The following PDZD2 variants were observed in gnomAD, a reference collection of about 807,000 sequenced individuals.
The protein encoded by PDZD2 is PDZ domain-containing protein 2.
Under a neutral mutation model 220.7 loss-of-function variants are expected in PDZD2, and 90 were observed. The ratio of observed to expected loss-of-function variants is 0.41; its 90% CI spans 0.34 to 0.49. The LOEUF (loss-of-function observed/expected upper bound fraction) is 0.49. PDZD2 is among the 20% of genes least tolerant of loss of function. The pLI is 0.28. For synonymous variants in PDZD2, 1,375 were observed against 1,450.5 expected (o/e 0.95, Z 1.18); for missense variants, 3,174 against 3,608.5 (o/e 0.88, Z 3.08).
chr5:31,855,643 T>C (rs781431181), intron 2 of PDZD2, among the ~76,000 whole-genome samples: 5 of 152,240 alleles, frequency 3.3e-5, no homozygotes, highest in Non-Finnish European at 5.9e-5. Flanking sequence ...GGAGCAAAGC[T>C]GCTTTCTCTA....
chr5:32,033,095 A>G (rs1243690299), intron 6 of PDZD2, among the ~76,000 whole-genome samples: 1 of 152,248 alleles, frequency 6.6e-6, no homozygotes, highest in Non-Finnish European at 1.5e-5. Flanking sequence ...TAACACATGA[A>G]TTAGAAACTG....
At position 32,087,431 on chromosome 5, in the gene PDZD2, C is replaced by T. The variant is rs1243717456; in HGVS notation, c.3983C>T (p.Pro1328Leu). The part of the protein sequence containing the change: ...RRVAALRGAG[P>L]GAEGMTPAGA... ...GTGGCTGCCCTCAGGGGAGCGGGACCTGGAGCAGAGGGAATGACACCAGCT... is the reference window on the plus strand; with the variant it reads ...GTGGCTGCCCTCAGGGGAGCGGGACTTGGAGCAGAGGGAATGACACCAGCT... Residue 1328 changes from proline (P) to leucine (L), a missense_variant, in exon 20 of 25, where the codon CCT becomes CTT. Pro to Leu is a moderately conservative substitution (Grantham distance 98). Around this residue, in one of 4 missense-constraint regions of PDZD2, gnomAD observed 1,861 missense variants for 2,001.0 expected, o/e 0.93. Transcript: ENST00000438447. This position sits in a 1 kb window ranked among gnomAD's most constrained non-coding sequence, Gnocchi z 4.0. 1 of 1,614,136 alleles carries T rather than the reference C, an allele frequency of 6.2e-7. No homozygotes were observed. The highest frequency in any genetic ancestry group is 1.7e-5 in the Admixed American group (1 of 60,030).
chr5:31,908,181 A>G (rs1326344168), intron 2 of PDZD2, among the ~76,000 whole-genome samples: 3 of 151,984 alleles, frequency 2.0e-5, no homozygotes, highest in Admixed American at 2.0e-4. Context: ...ATGTATATTT[A>G]AAATGCACAA....
At chr5:31,886,496 C>T (rs1740488786) in intron 2 of PDZD2, among the ~76,000 whole-genome samples, 1 of 152,114 alleles carries the variant, frequency 6.6e-6, no homozygotes, top group Non-Finnish European at 1.5e-5. Context: ...CCTCCCTTTG[C>T]CCCTCCACCC....
At chr5:31,968,778 G>A (rs537350709) in intron 2 of PDZD2, among the ~76,000 whole-genome samples, 4 of 152,196 alleles carry the variant, frequency 2.6e-5, no homozygotes, top group Non-Finnish European at 4.4e-5. Context: ...CTCACCACAC[G>A]TCAAGTCTGC....
intron 4 of PDZD2, 50 bp downstream of exon 4, chr5:31,995,768 C>G: frequency 3.3e-6 from 5 of 1,513,158 alleles, no homozygotes; most frequent in Non-Finnish European, 4.5e-6. Flanking sequence ...TCCTCTCCTT[C>G]CCTCTCCCTC....
At chr5:32,077,816 G>T (rs1324815513) in intron 19 of PDZD2, 17 of 459,314 alleles carry the variant, frequency 3.7e-5, no homozygotes, top group Non-Finnish European at 6.5e-5. Flanking sequence ...AATTAGCCGG[G>T]CGTGGTGGTG....
chr5:32,054,471 A>G (rs1166039708), intron 10 of PDZD2, among the ~76,000 whole-genome samples: 1 of 151,492 alleles, frequency 6.6e-6, no homozygotes, highest in Non-Finnish European at 1.5e-5. Flanking sequence ...CTATAGGTGC[A>G]CACCGTCATG....
chr5:32,091,601 C>G (rs147086099), intron 20 of PDZD2, among the ~76,000 whole-genome samples: 168 of 152,222 alleles, frequency 1.1e-3, no homozygotes, highest in African/African-American at 3.7e-3. Context: ...CCCACTCTTC[C>G]TAATGTTCAC....
chr5:32,055,223 G>T, intron 10 of PDZD2, among the ~76,000 whole-genome samples: 1 of 151,958 alleles, frequency 6.6e-6, no homozygotes, highest in Admixed American at 6.6e-5. Flanking sequence ...ACTTTAAGAG[G>T]CAGGGTCTTG....
At chr5:31,929,246 CCT>C (rs1392716318) in intron 2 of PDZD2, among the ~76,000 whole-genome samples, 2 of 152,152 alleles carry the variant, frequency 1.3e-5, no homozygotes, top group Non-Finnish European at 2.9e-5. Flanking sequence ...TTTTCTGCCC[CCT>C]GTCAGCATTT....
At chr5:31,854,915 A>AGGG (rs34502149) in intron 2 of PDZD2, 4 of 919,134 alleles carry the variant, frequency 4.4e-6, no homozygotes, top group South Asian at 5.0e-5. Context: ...CGGAGGGAGG[A>AGGG]GGGGGGGGTC....
chr5:31,651,975 A>G (rs975070727), intron 1 of PDZD2, among the ~76,000 whole-genome samples: 11 of 144,302 alleles, frequency 7.6e-5, no homozygotes, highest in Admixed American at 2.2e-4. Flanking sequence ...GCGCACCACC[A>G]TGCCCGGCTA....
intron 1 of PDZD2, among the ~76,000 whole-genome samples, chr5:31,694,982 G>A (rs1301544540): frequency 6.6e-6 from 1 of 152,004 alleles, no homozygotes; most frequent in East Asian, 1.9e-4. Flanking sequence ...AAATTAGCCA[G>A]GCGTGGTGGC....
chr5:31,712,566 G>C (rs1748190004), intron 1 of PDZD2, among the ~76,000 whole-genome samples: 1 of 151,928 alleles, frequency 6.6e-6, no homozygotes. Context: ...GGGGTCACTA[G>C]ATTTCTTACA....
chr5:31,825,765 A>C (rs921436879), intron 2 of PDZD2, among the ~76,000 whole-genome samples: 1 of 152,188 alleles, frequency 6.6e-6, no homozygotes, highest in Non-Finnish European at 1.5e-5. Context: ...TTGAAATAAT[A>C]GTTACCATTT....
At chr5:32,046,153 A>T (rs1045163787) in intron 7 of PDZD2, among the ~76,000 whole-genome samples, 2 of 152,242 alleles carry the variant, frequency 1.3e-5, no homozygotes, top group Non-Finnish European at 2.9e-5. Flanking sequence ...TACATCACTT[A>T]AGATTAATGT....
At chr5:31,660,524 T>C (rs1177293913) in intron 1 of PDZD2, among the ~76,000 whole-genome samples, 1 of 152,120 alleles carries the variant, frequency 6.6e-6, no homozygotes, top group Non-Finnish European at 1.5e-5. Flanking sequence ...AACATGTCCT[T>C]CTTCACAAGG....
At chr5:31,923,038 A>T (rs190797725) in intron 2 of PDZD2, among the ~76,000 whole-genome samples, 1 of 149,180 alleles carries the variant, frequency 6.7e-6, no homozygotes, top group Non-Finnish European at 1.5e-5. Context: ...CATGCCTGAA[A>T]TCCCAGCACT....
Sources: gnomAD v4.1 joint callset for allele counts (sites outside exome capture counted in the v4.1 genomes callset) on GRCh38, gnomAD v4.1.1 for gene constraint, gnomAD v4.1.1 regional missense constraint, Gnocchi (gnomAD v3.1) non-coding constraint, MANE v1.5 for transcripts, NCBI Gene and HGNC (gene_info 2026-07-23, HGNC 2026-07-21) for gene names.